Variants in FHIP2B observed in about 807,000 individuals in gnomAD.
FHIP2B encodes FHF complex subunit HOOK-interacting protein 2B.
FHIP2B carries 72 observed loss-of-function variants against 84.0 expected under a neutral mutation model. The ratio of observed to expected loss-of-function variants is 0.86; its 90% CI spans 0.71 to 1.04. The LOEUF is 1.04. Ranked by LOEUF, FHIP2B falls within the 50% of genes least tolerant of loss-of-function variation. The pLI is 0.00. For synonymous variants in FHIP2B, 497 were observed against 418.7 expected, an observed-to-expected ratio of 1.19 and a Z score of -2.28; for missense variants, 972 against 968.9, an observed-to-expected ratio of 1.00 and a Z score of -0.04.
intron 1 of FHIP2B, among the ~76,000 whole-genome samples, chr8:22,093,319 T>G (rs1008348331): frequency 3.5e-4 from 52 of 150,640 alleles, no homozygotes; most frequent in Non-Finnish European, 6.5e-4. Flanking sequence ...AGGAATGGTG[T>G]TGTTGTTGTT....
chr8:22,103,064 T>C lies in FHIP2B; in HGVS notation c.*133T>C. The C allele has an allele frequency of 8.5e-7, 1 of 1,175,986 alleles. No individual in the cohort carries two copies. The highest frequency in any genetic ancestry group is 1.6e-5 in the South Asian group (1 of 63,432). The allele number at this position is 1,175,986 out of a possible 1,614,324, so 72.8% of individuals were successfully genotyped here. A position where few individuals can be genotyped will look rare whatever the true frequency, so the allele number is the denominator to read the frequency against. ...GGGCTCACTCAAGGAGACTGCGGCA[T>C]GTTGACCACACCAGACTGGGTTTCA... is the stretch of plus-strand genomic sequence containing the variant. On this transcript the variant is annotated 3_prime_UTR_variant, in exon 17 of 17. Coordinates refer to ENST00000289921, the MANE Select transcript of FHIP2B (RefSeq NM_022749.7).
rs778228732 is a variant in FHIP2B at position 22,098,596 on chromosome 8, C to T, written c.942C>T (p.Ala314=). ...TCTTCCTGGACCCCGCAGACATTGC[C>T]ACCTTAGAGGGCATCAGCTGGAGGT... ...MPVFLDPADI[A]TLEGISWRLP... Residue 314 remains alanine (A), a synonymous_variant, in exon 7 of 17, where the codon GCC becomes GCT. Coordinates refer to ENST00000289921, the MANE Select transcript of FHIP2B (RefSeq NM_022749.7). The T allele has an allele frequency of 1.8e-5, 28 of 1,594,334 alleles. No homozygotes were observed. In the East Asian group the frequency reaches 3.6e-4, roughly 21 times the overall value.
rs1383221473 is a variant in FHIP2B at position 22,101,602 on chromosome 8, C to CCCAAG, written c.1707+73_1707+74insCAAGC. On this transcript the variant is annotated intron_variant, in intron 13 of 16. Transcript: ENST00000289921. ...GCTGGGTCATAAGCTCTGGGTTCCG[C>CCCAAG]CTCTCTCATCTGCCCAAGGACCCCA... 2.8e-5 allele frequency: 43 copies of CCCAAG among 1,560,202 alleles called. No homozygotes were observed. The Admixed American group carries it at 7.0e-4, about 25-fold the overall frequency.
Position 22,099,689 on chromosome 8 carries a change from G to A in FHIP2B, c.1152-15G>A. Reference sequence around the variant, plus strand: ...TGCACACACCGGGCCTGGCTAAGGTGCCCTCTTCCCGTAGGTCCGAGCAGA... The same window carrying A: ...TGCACACACCGGGCCTGGCTAAGGTACCCTCTTCCCGTAGGTCCGAGCAGA... On this transcript the variant is annotated splice_polypyrimidine_tract_variant and intron_variant, in intron 9 of 16. Coordinates refer to ENST00000289921, the MANE Select transcript of FHIP2B (RefSeq NM_022749.7). The A allele has an allele frequency of 6.4e-7, 1 of 1,556,478 alleles. No homozygotes were observed. Among genetic ancestry groups the A allele is most frequent in the Non-Finnish European group, 8.6e-7 (1 of 1,157,292 alleles).
At chr8:22,096,263 C>G (rs1309048544) in intron 2 of FHIP2B, 74 bp from the exon 3 acceptor site, 1 of 1,404,012 alleles carries the variant, frequency 7.1e-7, no homozygotes, top group Non-Finnish European at 9.5e-7. Context: ...TGGGCTTTGG[C>G]AGGAGAGGGT....
chr8:22,089,848 A>G (rs1586305772), intron 1 of FHIP2B: 1 of 1,282,942 alleles, frequency 7.8e-7, no homozygotes, highest in Non-Finnish European at 1.0e-6. Flanking sequence ...CCAAGTCCCC[A>G]CGAAGGGTAA....
rs1207300939 is a variant in FHIP2B at position 22,101,816 on chromosome 8, G to A, written c.1816G>A (p.Val606Met). The change falls in exon 14 of 17, where the codon GTG becomes ATG. Residue 606 changes from valine (V) to methionine (M), a missense_variant. Transcript: ENST00000289921. Reference protein sequence around the residue: ...RPFFEGHFLRVLFDRMSRILD... With the variant: ...RPFFEGHFLRMLFDRMSRILD... ...TTTCTTCGAGGGCCACTTCCTCCGA[G>A]TGCTGTTTGACCGCATGTCCCGGAT... 2.5e-6 allele frequency: 4 copies of A among 1,613,646 alleles called. No individual in the cohort carries two copies. Among genetic ancestry groups the A allele is most frequent in the Non-Finnish European group, 3.4e-6 (4 of 1,179,822 alleles).
At chr8:22,090,067 C>T (rs1036741606) in intron 1 of FHIP2B, among the ~76,000 whole-genome samples, 3 of 143,414 alleles carry the variant, frequency 2.1e-5, no homozygotes, top group Admixed American at 7.7e-5. Context: ...TTTGTTGGGG[C>T]TGCAGGCTGG....
At position 22,096,494 on chromosome 8, in the gene FHIP2B, G is replaced by T. The variant is rs774432899; in HGVS notation, c.282G>T (p.Thr94=). 3.0e-5 allele frequency: 46 copies of T among 1,540,012 alleles called. No individual in the cohort carries two copies. Among genetic ancestry groups the T allele is most frequent in the Non-Finnish European group, 3.9e-5 (45 of 1,139,914 alleles). ...LQHKILETLC[T]LGKAEYPPGM... is the part of the protein sequence containing the mutation. Reference sequence around the variant, plus strand: ...ACAAGATCCTGGAGACTCTCTGCACGCTGGGCAAGGCCGAGGTGGGAGGCC... The same window carrying T: ...ACAAGATCCTGGAGACTCTCTGCACTCTGGGCAAGGCCGAGGTGGGAGGCC... Residue 94 remains threonine, a synonymous_variant, in exon 3 of 17, where the codon ACG becomes ACT. Transcript: ENST00000289921.
Position 22,096,443 on chromosome 8 carries a change from G to C in FHIP2B, c.231G>C (p.Gly77=). The C allele has an allele frequency of 6.4e-7, 1 of 1,555,292 alleles. No homozygotes were observed. The highest frequency in any genetic ancestry group is 8.7e-7 in the Non-Finnish European group (1 of 1,149,488). The stretch of plus-strand genomic sequence containing the variant: ...AGCAGGCGGCCGCGGGTGAGGCAGG[G>C]CCCTGCCTGGAGTACCTGCTGCAGC... ...EQQQAAAGEA[G]PCLEYLLQHK... The change falls in exon 3 of 17, where the codon GGG becomes GGC. Residue 77 remains glycine, a synonymous_variant. Coordinates refer to ENST00000289921, the MANE Select transcript of FHIP2B (RefSeq NM_022749.7).
intron 9 of FHIP2B, 87 bp downstream of exon 9, chr8:22,099,447 A>G: frequency 2.9e-6 from 4 of 1,367,902 alleles, no homozygotes; most frequent in Non-Finnish European, 4.0e-6. Context: ...AAGGCCAGAC[A>G]CCTTCTTGAC....
intron 2 of FHIP2B, chr8:22,094,813 G>A: frequency 8.2e-7 from 1 of 1,225,640 alleles, no homozygotes; most frequent in South Asian, 2.0e-5. Context: ...AGAGGTGGCT[G>A]CACTTCCCCC....
rs374997784 is a variant in FHIP2B at position 22,094,495 on chromosome 8, C to A, written c.101C>A (p.Thr34Lys). ...TTCGTGGAGCACTGGAAGGGCATCA[C>A]GCACTACTACATCGAGAGCACAGGT... The part of the protein sequence containing the change: ...QAFVEHWKGI[T>K]HYYIESTDES... The change falls in exon 2 of 17, where the codon ACG (threonine) becomes AAG (lysine). Residue 34 changes from threonine (T) to lysine (K), a missense_variant. By Grantham distance (78) the Thr-to-Lys change is moderately conservative. Transcript: ENST00000289921. The A allele has an allele frequency of 6.2e-7, 1 of 1,611,572 alleles. No individual in the cohort carries two copies. Among genetic ancestry groups the A allele is most frequent in the Non-Finnish European group, 8.5e-7 (1 of 1,178,958 alleles).
intron 1 of FHIP2B, among the ~76,000 whole-genome samples, chr8:22,090,738 C>T (rs1200596988): frequency 6.6e-6 from 1 of 152,234 alleles, no homozygotes. Context: ...AATCCTCCCA[C>T]CTCAGCCTCC....
chr8:22,104,307 C>T lies in FHIP2B; in HGVS notation c.*1376C>T, dbSNP rs1439318126. ...GTTTGGGAGTCACAGACCCTCCCCT[C>T]TCCTCAGTGCACTTTGGCATTTGCA... On this transcript the variant is annotated 3_prime_UTR_variant, in exon 17 of 17. Coordinates refer to ENST00000289921, the MANE Select transcript of FHIP2B (RefSeq NM_022749.7). The T allele has an allele frequency of 6.6e-6, 1 of 152,006 alleles. No individual in the cohort carries two copies. Among genetic ancestry groups the T allele is most frequent in the East Asian group, 1.9e-4 (1 of 5,182 alleles). The allele number at this position is 152,006 out of a possible 1,614,324, so 9.4% of individuals were successfully genotyped here. A position where few individuals can be genotyped will look rare whatever the true frequency, so the allele number is the denominator to read the frequency against.
At chr8:22,097,364 C>T in intron 3 of FHIP2B, among the ~76,000 whole-genome samples, 152 bp from the exon 4 acceptor site, 1 of 148,440 alleles carries the variant, frequency 6.7e-6, no homozygotes, top group African/African-American at 2.5e-5. Context: ...ACGGCTCTGA[C>T]AGGCGCTCTG....
At chr8:22,102,694 G>A in intron 16 of FHIP2B, 66 bp downstream of exon 16, 3 of 1,587,048 alleles carry the variant, frequency 1.9e-6, no homozygotes, top group Non-Finnish European at 2.6e-6. Flanking sequence ...TGGAGGAGAG[G>A]TGGCTGGCCA....
chr8:22,102,128 C>T (rs13253275), intron 14 of FHIP2B, 47 bp from the exon 15 acceptor site: 496,852 of 1,611,446 alleles, frequency 0.31, 79,818 homozygotes, highest in East Asian at 0.6. Flanking sequence ...TGCAAAAATA[C>T]TCACCAGCCC....
At position 22,101,539 on chromosome 8, in the gene FHIP2B, C is replaced by T. The variant is rs1256759457; in HGVS notation, c.1707+9C>T. ...ACGATGCTTATGGCCTGGTGAGTGG[C>T]TCCTGCTACCAGCTCCCACTTCCTG... On this transcript the variant is annotated intron_variant, in intron 13 of 16. Transcript: ENST00000289921. 5 of 1,607,268 alleles carry T rather than the reference C, an allele frequency of 3.1e-6. No homozygotes were observed. The East Asian group carries it at 6.7e-5, about 22-fold the overall frequency.
Sources: allele counts gnomAD v4.1 joint callset (sites outside exome capture counted in the v4.1 genomes callset), GRCh38; gene constraint gnomAD v4.1.1; transcripts MANE v1.5; gene names NCBI Gene and HGNC (gene_info 2026-07-23, HGNC 2026-07-21).